The following NUP107 variants were observed in gnomAD, a reference collection of about 807,000 sequenced individuals.
The protein encoded by NUP107 is nuclear pore complex protein Nup107.
In NUP107, 101 loss-of-function variants were observed where a neutral mutation model predicts 141.0. That is an observed-to-expected ratio of 0.72 (90% CI 0.61 to 0.84). NUP107 has a LOEUF of 0.84. Among genes scored for constraint, NUP107 ranks in the 40% least tolerant of loss-of-function variants. The pLI is 0.00. For synonymous variants in NUP107, 319 were observed against 363.9 expected, an observed-to-expected ratio of 0.88 and a Z score of 1.41; for missense variants, 941 against 1,102.7, an observed-to-expected ratio of 0.85 and a Z score of 2.08.
intron 15 of NUP107, among the ~76,000 whole-genome samples, 178 bp downstream of exon 15, chr12:68,721,355 G>T (rs1877342221): frequency 6.6e-6 from 1 of 152,090 alleles, no homozygotes; most frequent in Non-Finnish European, 1.5e-5. Context: ...TGCTTAATTT[G>T]ATGTATCCCA....
intron 6 of NUP107, among the ~76,000 whole-genome samples, chr12:68,698,624 C>T (rs987355338): frequency 1.3e-5 from 2 of 152,104 alleles, no homozygotes; most frequent in Non-Finnish European, 2.9e-5. Context: ...AACTGGCTAT[C>T]AAGCCATGAA....
intron 8 of NUP107, chr12:68,706,656 G>A: frequency 1.4e-6 from 1 of 723,568 alleles, no homozygotes; most frequent in Non-Finnish European, 2.6e-6. Flanking sequence ...GCAGCATGGG[G>A]AGCTGGCAGT....
rs913952709 is a variant in NUP107, at chr12:68,721,135, C to T, written c.1269C>T (p.Tyr423=). 3.2e-5 allele frequency: 52 copies of T among 1,605,186 alleles called. No individual in the cohort carries two copies. The highest frequency in any genetic ancestry group is 9.4e-5 in the African/African-American group (7 of 74,708). ...RMAEDELFNR[Y]ERAIYAALSG... is the part of the protein sequence containing the mutation. ...TGTTTTAGGAGCTTTTTAATAGATA[C>T]GAGAGAGCAATTTATGCAGCTTTAA... Residue 423 remains tyrosine, a synonymous_variant, in exon 15 of 28, where the codon TAC becomes TAT. Coordinates refer to ENST00000229179, the MANE Select transcript of NUP107 (RefSeq NM_020401.4).
chr12:68,724,078 A>G (rs1877459218), intron 17 of NUP107, among the ~76,000 whole-genome samples: 1 of 152,186 alleles, frequency 6.6e-6, no homozygotes, highest in South Asian at 2.1e-4. Flanking sequence ...CTTAAAGCTC[A>G]GTAAGTTACT....
chr12:68,719,508 C>T, intron 13 of NUP107, 70 bp from the exon 14 acceptor site: 1 of 1,553,168 alleles, frequency 6.4e-7, no homozygotes, highest in Non-Finnish European at 8.9e-7. Context: ...TGAACTATAG[C>T]TTCTCTTTTT....
intron 20 of NUP107, among the ~76,000 whole-genome samples, chr12:68,728,031 C>A (rs978469504): frequency 1.3e-5 from 2 of 151,986 alleles, no homozygotes; most frequent in Non-Finnish European, 2.9e-5. Context: ...ACCGGTAATC[C>A]CAACACTTTG....
intron 5 of NUP107, among the ~76,000 whole-genome samples, chr12:68,695,310 A>AT (rs1354002418): frequency 6.6e-6 from 1 of 152,236 alleles, no homozygotes; most frequent in African/African-American, 2.4e-5. Flanking sequence ...TCAAAGAAAT[A>AT]TTTGTACATG....
At chr12:68,687,691 A>G (rs1875564903) in intron 1 of NUP107, 5 of 960,570 alleles carry the variant, frequency 5.2e-6, no homozygotes, top group Non-Finnish European at 6.2e-6. Flanking sequence ...TAATAAGAGT[A>G]CATTATTCGT....
At chr12:68,709,420 A>G in intron 9 of NUP107, 111 bp downstream of exon 9, 2 of 593,382 alleles carry the variant, frequency 3.4e-6, no homozygotes, top group Non-Finnish European at 5.8e-6. Flanking sequence ...TTTTTTTTCT[A>G]CTTGATCTTT....
chr12:68,742,021 G>C, intron 27 of NUP107, 41 bp downstream of exon 27: 1 of 1,440,148 alleles, frequency 6.9e-7, no homozygotes, highest in Non-Finnish European at 9.5e-7. Flanking sequence ...TTAATGATTT[G>C]ATATGCTCTG....
intron 5 of NUP107, 44 bp from the exon 6 acceptor site, chr12:68,696,775 C>G (rs1876078293): frequency 9.2e-7 from 1 of 1,092,106 alleles, no homozygotes; most frequent in Admixed American, 2.3e-5. Context: ...AAGTACGTCA[C>G]TTAACTTTTC....
rs370338093 is a variant in NUP107, at chr12:68,721,142, G to A, written c.1276G>A (p.Ala426Thr). Residue 426 changes from alanine to threonine, a missense_variant, in exon 15 of 28, where the codon GCA becomes ACA. Transcript: ENST00000229179. ...EDELFNRYER[A>T]IYAALSGNLK... is the part of the protein sequence containing the mutation. ...GGAGCTTTTTAATAGATACGAGAGA[G>A]CAATTTATGCAGCTTTAAGTGGGAA... 1.2e-6 allele frequency: 2 copies of A among 1,608,452 alleles called. No individual in the cohort carries two copies. The highest frequency in any genetic ancestry group is 2.7e-5 in the African/African-American group (2 of 74,828).
At chr12:68,689,909 A>AGT (rs1875697593) in intron 3 of NUP107, 1 of 253,836 alleles carries the variant, frequency 3.9e-6, no homozygotes, top group Non-Finnish European at 7.5e-6. Context: ...GGCTGGATGC[A>AGT]GTGGCCCATG....
rs543451122 is a variant in NUP107, at chr12:68,712,408, A to G, written c.891-1322A>G. ...ACTCCAGCCTGGGTAAAAAGAGCAAAACTCCATCTCAAAAAAAAAAAAAAA... is the reference window on the plus strand; with the variant it reads ...ACTCCAGCCTGGGTAAAAAGAGCAAGACTCCATCTCAAAAAAAAAAAAAAA... On this transcript the variant is annotated intron_variant, in intron 10 of 27. Coordinates refer to ENST00000229179, the MANE Select transcript of NUP107 (RefSeq NM_020401.4). Among the ~76,000 whole-genome samples, 350 of 141,514 alleles carry G rather than the reference A, an allele frequency of 2.5e-3. 3 individuals are homozygous for G. The highest frequency in any genetic ancestry group is 5.3e-3 in the Admixed American group (71 of 13,342). The allele number at this position is 141,514 out of a possible 152,430, so 92.8% of individuals were successfully genotyped here.
Position 68,742,531 on chromosome 12 carries a change from T to A in NUP107, c.*69T>A. On this transcript the variant is annotated 3_prime_UTR_variant, in exon 28 of 28. Coordinates refer to ENST00000229179, the MANE Select transcript of NUP107 (RefSeq NM_020401.4). ...TTTAATAAAATATACTTGTTATTAG[T>A]AATTTTTTCTTTTGCATTACCATGT... 1 of 817,654 alleles carries A rather than the reference T, an allele frequency of 1.2e-6. No homozygotes were observed. Among genetic ancestry groups the A allele is most frequent in the Non-Finnish European group, 1.9e-6 (1 of 525,856 alleles). 50.6% of individuals were successfully genotyped at this position (817,654 alleles called of 1,614,324 possible).
At chr12:68,715,505 A>G in intron 11 of NUP107, 122 bp from the exon 12 acceptor site, 1 of 657,834 alleles carries the variant, frequency 1.5e-6, no homozygotes, top group Non-Finnish European at 2.7e-6. Flanking sequence ...GAAAAGAAAA[A>G]AGAAAAAATG....
chr12:68,690,436 T>C (rs1470917445), intron 3 of NUP107, 195 bp from the exon 4 acceptor site: 1 of 671,870 alleles, frequency 1.5e-6, no homozygotes, highest in Admixed American at 2.9e-5. Context: ...GGCTCAGTAG[T>C]ACCTACAGCT....
At chr12:68,734,923 T>C in intron 25 of NUP107, 90 bp downstream of exon 25, 1 of 1,395,220 alleles carries the variant, frequency 7.2e-7, no homozygotes, top group Non-Finnish European at 9.8e-7. Context: ...GCAACTATCT[T>C]TCGATCATAA....
Position 68,710,052 on chromosome 12 carries a change from AT to A in NUP107, c.853del (p.Ser285LeufsTer20), listed in dbSNP as rs1565692872. On this transcript the variant is annotated frameshift_variant, in exon 10 of 28. Coordinates refer to ENST00000229179, the MANE Select transcript of NUP107 (RefSeq NM_020401.4). LOFTEE classifies it high-confidence loss of function. ...GTATTGCCAAAGATGAAATTGGAGA[AT>A]TTTCTGATAATATTGAGTTTTATGC... is the stretch of plus-strand genomic sequence containing the variant. ...ESIAKDEIGE[F>X]SDNIEFYAKS... The A allele has an allele frequency of 6.3e-7, 1 of 1,598,090 alleles. No homozygotes were observed. Among genetic ancestry groups the A allele is most frequent in the Admixed American group, 1.7e-5 (1 of 59,860 alleles).
Sources: gnomAD v4.1 joint callset for allele counts (sites outside exome capture counted in the v4.1 genomes callset) on GRCh38, gnomAD v4.1.1 for gene constraint, MANE v1.5 for transcripts, NCBI Gene and HGNC (gene_info 2026-07-23, HGNC 2026-07-21) for gene names.